The following RBFOX1 variants were observed in gnomAD, a reference collection of about 807,000 sequenced individuals.
RBFOX1 encodes the protein RNA binding fox-1 homolog 1.
RBFOX1 carries 8 observed loss-of-function variants against 57.7 expected under a neutral mutation model. That is an observed-to-expected ratio of 0.14 (90% CI 0.08 to 0.25). RBFOX1 has a LOEUF of 0.25. Among genes scored for constraint, RBFOX1 ranks in the 10% least tolerant of loss-of-function variants. The pLI is 1.00. For synonymous variants in RBFOX1, 326 were observed against 222.4 expected, an observed-to-expected ratio of 1.47 and a Z score of -4.15; for missense variants, 611 against 548.5, an observed-to-expected ratio of 1.11 and a Z score of -1.14.
chr16:7,572,892 A>G (rs2092939169), intron 5 of RBFOX1, among the ~76,000 whole-genome samples: 1 of 126,656 alleles, frequency 7.9e-6, no homozygotes, highest in Admixed American at 8.3e-5. Context: ...TGTCAATGGT[A>G]CTGACATTGA....
intron 4 of RBFOX1, among the ~76,000 whole-genome samples, chr16:7,442,380 G>C (rs910841891): frequency 3.3e-5 from 5 of 152,084 alleles, no homozygotes; most frequent in African/African-American, 4.8e-5. Context: ...TTTGGCAGAC[G>C]TAAGGAGCAG....
intron 3 of RBFOX1, among the ~76,000 whole-genome samples, chr16:6,995,500 C>A (rs922974026): frequency 3.9e-5 from 6 of 152,074 alleles, no homozygotes; most frequent in Admixed American, 3.9e-4. Context: ...TGTGGTGGCT[C>A]ACGCATGTAA....
chr16:6,990,179 TGAATG>T (rs1282368921), intron 3 of RBFOX1, among the ~76,000 whole-genome samples: 3 of 152,112 alleles, frequency 2.0e-5, no homozygotes, highest in South Asian at 2.1e-4. Context: ...GTTGAAGAAA[TGAATG>T]GAATGGCAAC....
At chr16:6,752,434 C>A (rs12927282) in intron 3 of RBFOX1, among the ~76,000 whole-genome samples, 22,839 of 152,106 alleles carry the variant, frequency 0.15, 1,767 homozygotes, top group Middle Eastern at 0.19. Context: ...CTCCATGTTT[C>A]AAGTAGTTGT....
chr16:7,114,236 GTGAT>G (rs1233003157), intron 4 of RBFOX1, among the ~76,000 whole-genome samples: 1 of 152,126 alleles, frequency 6.6e-6, no homozygotes. Context: ...AATTAGGAAA[GTGAT>G]TGTGTGTGCA....
rs572027484 is a variant in RBFOX1 at position 6,530,707 on chromosome 16, AAGAG to A, written c.-63-123889_-63-123886del. On this transcript the variant is annotated intron_variant, in intron 2 of 15. Transcript: ENST00000550418. ...TGTCTTACATAGATGGTGGCAGGTG[AAGAG>A]AGAGAGCTTCTGCAGGGGAACTCCC... 2.6e-5 allele frequency among the ~76,000 whole-genome samples: 4 copies of A among 151,884 alleles called. No homozygotes were observed. The East Asian group carries it at 7.8e-4, about 30-fold the overall frequency.
chr16:6,943,674 C>G (rs546999188), intron 3 of RBFOX1, among the ~76,000 whole-genome samples: 1 of 150,188 alleles, frequency 6.7e-6, no homozygotes, highest in Admixed American at 6.6e-5. Context: ...CGTCACTGCA[C>G]TCCAGCCTGG....
chr16:7,028,526 G>A (rs2041655649), intron 3 of RBFOX1, among the ~76,000 whole-genome samples: 1 of 147,066 alleles, frequency 6.8e-6, no homozygotes, highest in African/African-American at 2.5e-5. Context: ...GGCGGAGGTT[G>A]CAGTGAGCTG....
chr16:6,576,967 C>G lies in RBFOX1; in HGVS notation c.-63-77636C>G, dbSNP rs754087099. On this transcript the variant is annotated intron_variant, in intron 2 of 15. Coordinates refer to ENST00000550418, the MANE Select transcript of RBFOX1 (RefSeq NM_018723.4). ...ATCTAGGGATACATTTCCAGCCCCC[C>G]TTTTATCAAAGCGGTGACATGTGAC... The G allele has an allele frequency of 2.0e-5, 3 of 152,324 alleles. No individual in the cohort carries two copies. In the East Asian group the frequency reaches 5.8e-4, roughly 29 times the overall value. 9.4% of individuals were successfully genotyped at this position (152,324 alleles called of 1,614,324 possible). A position where few individuals can be genotyped will look rare whatever the true frequency, so the allele number is the denominator to read the frequency against.
At chr16:5,933,360 G>A (rs1425833885) in intron 4 of RBFOX1, among the ~76,000 whole-genome samples, 1 of 152,218 alleles carries the variant, frequency 6.6e-6, no homozygotes, top group East Asian at 1.9e-4. Flanking sequence ...ACTGAGGGCA[G>A]TGGGGGAGTG....
intron 4 of RBFOX1, among the ~76,000 whole-genome samples, chr16:7,186,995 A>T: frequency 4.1e-5 from 1 of 24,210 alleles, no homozygotes; most frequent in Non-Finnish European, 8.5e-5. Flanking sequence ...CCACCTCCAC[A>T]AAAAAAAAAA....
At chr16:6,579,416 G>A (rs1448395156) in intron 2 of RBFOX1, among the ~76,000 whole-genome samples, 1 of 152,022 alleles carries the variant, frequency 6.6e-6, no homozygotes, top group Admixed American at 6.6e-5. Context: ...TTGAATTGTA[G>A]TTCCCATAAT....
At chr16:7,399,021 G>A (rs977925844) in intron 4 of RBFOX1, among the ~76,000 whole-genome samples, 3 of 152,156 alleles carry the variant, frequency 2.0e-5, no homozygotes, top group Non-Finnish European at 4.4e-5. Context: ...AACTACTTGG[G>A]GCAAGTGTTG....
At chr16:7,456,191 T>C (rs1024240143) in intron 4 of RBFOX1, among the ~76,000 whole-genome samples, 1 of 152,212 alleles carries the variant, frequency 6.6e-6, no homozygotes, top group South Asian at 2.1e-4. Flanking sequence ...GGAGGGTTGA[T>C]GTACCCACAG....
At chr16:6,908,677 G>C (rs532930995) in intron 3 of RBFOX1, among the ~76,000 whole-genome samples, 1 of 152,134 alleles carries the variant, frequency 6.6e-6, no homozygotes, top group South Asian at 2.1e-4. Context: ...ATCCATGCAG[G>C]GTCCAGTTGG....
chr16:7,042,723 C>G (rs1261610811), intron 3 of RBFOX1, among the ~76,000 whole-genome samples: 2 of 152,232 alleles, frequency 1.3e-5, no homozygotes, highest in East Asian at 3.9e-4. Flanking sequence ...GTCAGGAGTT[C>G]AAGACCAGCC....
intron 2 of RBFOX1, among the ~76,000 whole-genome samples, chr16:6,494,450 A>G (rs564344960): frequency 6.2e-4 from 95 of 152,326 alleles, no homozygotes; most frequent in Non-Finnish European, 9.7e-4. Context: ...CAAAAATGGT[A>G]TATAAGTGAG....
Position 6,428,460 on chromosome 16 carries a change from T to G in RBFOX1, c.-64+111403T>G, listed in dbSNP as rs540857408. Among the ~76,000 whole-genome samples, 173 of 152,310 alleles carry G rather than the reference T, an allele frequency of 1.1e-3. 1 individual carries two copies. The highest frequency in any genetic ancestry group is 1.3e-3 in the Admixed American group (20 of 15,296). The stretch of plus-strand genomic sequence containing the variant: ...TATGTAGTTTATTTATATTGTAATT[T>G]TTTATTCTGTATAATAGAGGCATAT... On this transcript the variant is annotated intron_variant, in intron 2 of 15. Transcript: ENST00000550418.
intron 3 of RBFOX1, among the ~76,000 whole-genome samples, chr16:6,859,759 T>C (rs963400336): frequency 2.6e-5 from 4 of 152,186 alleles, no homozygotes; most frequent in Non-Finnish European, 4.4e-5. Context: ...GCAGACATGT[T>C]AATATGAAGT....
Sources: gnomAD v4.1 joint callset for allele counts (sites outside exome capture counted in the v4.1 genomes callset) on GRCh38, gnomAD v4.1.1 for gene constraint, MANE v1.5 for transcripts, NCBI Gene and HGNC (gene_info 2026-07-23, HGNC 2026-07-21) for gene names.